DNAJC13: variants seen among roughly 807,000 people sequenced by gnomAD.
DNAJC13 encodes the protein dnaJ homolog subfamily C member 13.
DNAJC13 carries 75 observed loss-of-function variants against 290.5 expected under a neutral mutation model. The observed-to-expected ratio is 0.26, with a 90% CI of 0.21 to 0.31. The LOEUF is 0.31. Among genes scored for constraint, DNAJC13 ranks in the 10% least tolerant of loss-of-function variants. The pLI, the probability that DNAJC13 is intolerant of heterozygous loss-of-function variation, is 1.00. For synonymous variants in DNAJC13, 862 were observed against 892.0 expected, an observed-to-expected ratio of 0.97 and a Z score of 0.60; for missense variants, 2,260 against 2,674.5, an observed-to-expected ratio of 0.85 and a Z score of 3.42.
At chr3:132,533,173 A>AG (rs1936475376) in intron 55 of DNAJC13, among the ~76,000 whole-genome samples, 1 of 149,336 alleles carries the variant, frequency 6.7e-6, no homozygotes, top group Non-Finnish European at 1.5e-5. Context: ...CTCCTGCCTC[A>AG]GCTTCCCAAG....
chr3:132,417,997 T>C (rs1292637029), intron 1 of DNAJC13, among the ~76,000 whole-genome samples: 1 of 151,836 alleles, frequency 6.6e-6, no homozygotes, highest in East Asian at 1.9e-4. Flanking sequence ...GCCCCACCCC[T>C]TTTTTTTGCT....
Position 132,450,769 on chromosome 3 carries a change from T to C in DNAJC13, c.459T>C (p.Tyr153=), listed in dbSNP as rs371204623. Residue 153 remains tyrosine (Y), a synonymous_variant, in exon 6 of 56, where the codon TAT becomes TAC. Coordinates refer to ENST00000260818, the MANE Select transcript of DNAJC13 (RefSeq NM_015268.4). ...ATNRVLCSYD[Y]RNIEGFVDLS... ...ACAGAGTACTCTGTTCCTATGACTA[T>C]AGAAATATTGAAGGATTTGTAGATC... The C allele has an allele frequency of 1.9e-5, 31 of 1,610,106 alleles. 1 individual carries two copies. The highest frequency in any genetic ancestry group is 2.3e-5 in the Non-Finnish European group (27 of 1,176,930).
chr3:132,490,043 AT>A (rs1935013525), intron 31 of DNAJC13, among the ~76,000 whole-genome samples: 3 of 152,204 alleles, frequency 2.0e-5, no homozygotes, highest in African/African-American at 7.2e-5. Context: ...GGATGTATGA[AT>A]TACCAAATAA....
At chr3:132,515,668 A>G (rs970939052) in intron 46 of DNAJC13, among the ~76,000 whole-genome samples, 3 of 152,220 alleles carry the variant, frequency 2.0e-5, no homozygotes, top group Admixed American at 6.5e-5. Flanking sequence ...TTATACTTAT[A>G]TAGTCCAGTC....
At chr3:132,479,964 A>T (rs1240540181) in intron 25 of DNAJC13, among the ~76,000 whole-genome samples, 2 of 149,602 alleles carry the variant, frequency 1.3e-5, no homozygotes, top group East Asian at 3.9e-4. Flanking sequence ...CTTCTAAGAA[A>T]TTACCAGTTA....
intron 2 of DNAJC13, among the ~76,000 whole-genome samples, chr3:132,436,479 C>G (rs1370483670): frequency 1.3e-5 from 2 of 152,150 alleles, no homozygotes; most frequent in Non-Finnish European, 2.9e-5. Flanking sequence ...TGTTCTTACT[C>G]TTTTACTATT....
At chr3:132,489,350 C>G in intron 31 of DNAJC13, among the ~76,000 whole-genome samples, 1 of 152,034 alleles carries the variant, frequency 6.6e-6, no homozygotes, top group Admixed American at 6.6e-5. Context: ...GTACCTGAGT[C>G]TTACATCGTC....
intron 17 of DNAJC13, among the ~76,000 whole-genome samples, chr3:132,465,719 T>G (rs532697395): frequency 1.5e-4 from 23 of 152,212 alleles, no homozygotes; most frequent in African/African-American, 5.5e-4. Flanking sequence ...TTCCTTTAAG[T>G]GGGATAAAAA....
intron 15 of DNAJC13, 69 bp from the exon 16 acceptor site, chr3:132,462,398 G>A: frequency 2.8e-6 from 4 of 1,454,158 alleles, no homozygotes; most frequent in Non-Finnish European, 2.9e-6. Context: ...CTTCTTAAGA[G>A]TAACAGCTAA....
At chr3:132,438,352 A>T (rs1478798510) in intron 2 of DNAJC13, among the ~76,000 whole-genome samples, 1 of 152,232 alleles carries the variant, frequency 6.6e-6, no homozygotes. Context: ...TACCTATTTT[A>T]TATGGCCAAT....
chr3:132,420,388 G>C lies in DNAJC13; in HGVS notation c.-14+2628G>C, dbSNP rs376761146. 7.9e-5 allele frequency among the ~76,000 whole-genome samples: 12 copies of C among 152,242 alleles called. No homozygotes were observed. In the East Asian group the frequency reaches 1.2e-3, roughly 15 times the overall value. On this transcript the variant is annotated intron_variant, in intron 1 of 55. Coordinates refer to ENST00000260818, the MANE Select transcript of DNAJC13 (RefSeq NM_015268.4). The stretch of plus-strand genomic sequence containing the variant: ...GTTGGCCCCATTGGTGAACATTCAG[G>C]GGGTAGATGAGAAGTGGGAGAGAAT...
At chr3:132,513,156 T>C in intron 45 of DNAJC13, 57 bp downstream of exon 45, 1 of 1,402,170 alleles carries the variant, frequency 7.1e-7, no homozygotes, top group Non-Finnish European at 1.0e-6. Flanking sequence ...CATGTGTAAT[T>C]TGAGTCTCTA....
rs376627372 is a variant in DNAJC13, at chr3:132,538,306, G to A, written c.*24G>A. 3 of 1,592,856 alleles carry A rather than the reference G, an allele frequency of 1.9e-6. No individual in the cohort carries two copies. The highest frequency in any genetic ancestry group is 1.1e-5 in the South Asian group (1 of 90,032). On this transcript the variant is annotated 3_prime_UTR_variant, in exon 56 of 56. Coordinates refer to ENST00000260818, the MANE Select transcript of DNAJC13 (RefSeq NM_015268.4). ...GAAATATTCACGAGAGACAATAAAC[G>A]CTGAAAGGCCAGTGCCAAGTCCACA...
At chr3:132,534,458 C>T (rs1936528720) in intron 55 of DNAJC13, among the ~76,000 whole-genome samples, 2 of 152,202 alleles carry the variant, frequency 1.3e-5, no homozygotes, top group East Asian at 3.9e-4. Context: ...GAGTTCCAGA[C>T]CAGCGTGGGC....
chr3:132,536,338 G>A (rs564388178), intron 55 of DNAJC13, among the ~76,000 whole-genome samples: 2 of 152,160 alleles, frequency 1.3e-5, no homozygotes, highest in African/African-American at 4.8e-5. Flanking sequence ...CCTGGATAGG[G>A]GAGTTGCTTG....
At chr3:132,440,488 G>T (rs1204279836) in intron 2 of DNAJC13, among the ~76,000 whole-genome samples, 2 of 152,208 alleles carry the variant, frequency 1.3e-5, no homozygotes, top group Non-Finnish European at 2.9e-5. Flanking sequence ...ATACAGTCAT[G>T]TACTACATAA....
At chr3:132,462,746 C>A (rs1704904263) in intron 16 of DNAJC13, among the ~76,000 whole-genome samples, 1 of 152,110 alleles carries the variant, frequency 6.6e-6, no homozygotes, top group African/African-American at 2.4e-5. Flanking sequence ...GCAAATAAAT[C>A]TGTTACTGCA....
At chr3:132,514,726 G>C (rs1417233854) in intron 46 of DNAJC13, 56 bp downstream of exon 46, 2 of 1,289,412 alleles carry the variant, frequency 1.6e-6, no homozygotes, top group Non-Finnish European at 2.2e-6. Flanking sequence ...ATGGAAAGGA[G>C]TTGTTGCATA....
rs1402952751 is a variant in DNAJC13, at chr3:132,453,282, T to C, written c.538-16T>C. 1 of 1,609,212 alleles carries C rather than the reference T, an allele frequency of 6.2e-7. No homozygotes were observed. Among genetic ancestry groups the C allele is most frequent in the Non-Finnish European group, 8.5e-7 (1 of 1,177,656 alleles). ...TTGTTTCAACTCTGACTTTTTAAAT[T>C]TCTAAATTTGTGCAGCATTTATTTG... On this transcript the variant is annotated splice_polypyrimidine_tract_variant and intron_variant, in intron 6 of 55. Transcript: ENST00000260818.
Sources: gnomAD v4.1 joint callset for allele counts (sites outside exome capture counted in the v4.1 genomes callset) on GRCh38, gnomAD v4.1.1 for gene constraint, MANE v1.5 for transcripts, NCBI Gene and HGNC (gene_info 2026-07-23, HGNC 2026-07-21) for gene names.